Variants in NCAPG2 observed in about 807,000 individuals in gnomAD.
NCAPG2 encodes non-SMC condensin II complex subunit G2, also known as condensin-2 complex subunit G2.
Under a neutral mutation model 141.1 loss-of-function variants are expected in NCAPG2, and 53 were observed. That is an observed-to-expected ratio of 0.38 (90% CI 0.30 to 0.47). NCAPG2 has a LOEUF of 0.47. Ranked by LOEUF, NCAPG2 falls within the 20% of genes least tolerant of loss-of-function variation. The pLI, the probability that NCAPG2 is intolerant of heterozygous loss-of-function variation, is 0.99. For synonymous variants in NCAPG2, 499 were observed against 490.7 expected, an observed-to-expected ratio of 1.02 and a Z score of -0.22; for missense variants, 1,087 against 1,389.0, an observed-to-expected ratio of 0.78 and a Z score of 3.46.
chr7:158,682,203 CAT>C (rs1181169097), intron 9 of NCAPG2, among the ~76,000 whole-genome samples: 1 of 152,132 alleles, frequency 6.6e-6, no homozygotes, highest in Non-Finnish European at 1.5e-5. Context: ...ATAAACTACA[CAT>C]ATAGTTTACA....
intron 27 of NCAPG2, among the ~76,000 whole-genome samples, chr7:158,642,018 A>T (rs915954660): frequency 6.6e-6 from 1 of 152,212 alleles, no homozygotes; most frequent in African/African-American, 2.4e-5. Flanking sequence ...ACCTTCACGA[A>T]TTTAAAAGAA....
chr7:158,690,021 TA>T (rs1363686049), intron 5 of NCAPG2, 68 bp from the exon 6 acceptor site: 1 of 1,212,326 alleles, frequency 8.2e-7, no homozygotes, highest in African/African-American at 1.6e-5. Flanking sequence ...AAATCAAGTA[TA>T]TTTTATATCA....
chr7:158,696,606 A>C (rs12698265), intron 2 of NCAPG2: 137,981 of 152,290 alleles, frequency 0.91, 62,574 homozygotes, highest in East Asian at 0.96. Context: ...CAAGTGGTAA[A>C]AACTGGCAAA....
At chr7:158,696,477 C>A (rs1417799566) in intron 2 of NCAPG2, 1 of 152,130 alleles carries the variant, frequency 6.6e-6, no homozygotes, top group Non-Finnish European at 1.5e-5. Flanking sequence ...GATTATATAA[C>A]AGAATATCTT....
Position 158,675,557 on chromosome 7 carries a change from G to A in NCAPG2, c.1246C>T (p.Leu416Phe). 1 of 1,613,720 alleles carries A rather than the reference G, an allele frequency of 6.2e-7. No homozygotes were observed. Among genetic ancestry groups the A allele is most frequent in the African/African-American group, 1.3e-5 (1 of 75,026 alleles). The change falls in exon 12 of 28, where the codon CTT becomes TTT. Residue 416 changes from leucine to phenylalanine, a missense_variant. Physicochemically the swap from Leu to Phe is conservative, Grantham distance 22. Coordinates refer to ENST00000356309, the MANE Select transcript of NCAPG2 (RefSeq NM_017760.7). ...GTCACCTTCTTCAGGAGGTCAATAA[G>A]AATGGTCGGGGGCATCATTTCCCAG... Reference protein sequence around the residue: ...KYWEMMPPTILIDLLKKVTGE... With the variant: ...KYWEMMPPTIFIDLLKKVTGE...
intron 16 of NCAPG2, among the ~76,000 whole-genome samples, chr7:158,659,025 TA>T (rs55893307): frequency 0.82 from 80,531 of 97,736 alleles, 33,085 homozygotes; most frequent in South Asian, 0.89. Flanking sequence ...GCATTATATT[TA>T]AAAAAAAAAA....
At chr7:158,676,411 G>T (rs985475225) in intron 11 of NCAPG2, among the ~76,000 whole-genome samples, 4 of 152,234 alleles carry the variant, frequency 2.6e-5, no homozygotes, top group Non-Finnish European at 5.9e-5. Flanking sequence ...ATGTCAGTTA[G>T]TCATAGCACA....
Position 158,633,795 on chromosome 7 carries a change from G to T in NCAPG2, c.3381-2078C>A, listed in dbSNP as rs1830025644. Reference sequence around the variant, plus strand: ...AGACAGGGTCACGCTCTGTCACCCAGGCTGAAGTGCAGCAGTGAGGTCACA... The same window carrying T: ...AGACAGGGTCACGCTCTGTCACCCATGCTGAAGTGCAGCAGTGAGGTCACA... On this transcript the variant is annotated intron_variant, in intron 27 of 27. Transcript: ENST00000356309. The surrounding 1 kb of genome is among the most constrained non-coding windows in gnomAD (Gnocchi z 4.1). Among the ~76,000 whole-genome samples, 1 of 151,940 alleles carries T rather than the reference G, an allele frequency of 6.6e-6. No homozygotes were observed.
In NCAPG2 at chr7:158,693,441, T is replaced by C; in HGVS notation, c.135A>G (p.Lys45=). The C allele has an allele frequency of 6.2e-7, 1 of 1,614,088 alleles. No individual in the cohort carries two copies. Among genetic ancestry groups the C allele is most frequent in the African/African-American group, 1.3e-5 (1 of 75,064 alleles). The change falls in exon 3 of 28, where the codon AAA becomes AAG. Residue 45 remains lysine (K), a synonymous_variant. Transcript: ENST00000356309. ...GCCTTTGCCATAATTCTTCTTTCTG[T>C]TTCCTTGATAATTCATCTAGTAATT... ...LNELLDELSR[K]QKEELWQRLK... is the part of the protein sequence containing the mutation.
chr7:158,631,450 T>C lies in NCAPG2; in HGVS notation c.*216A>G. On this transcript the variant is annotated 3_prime_UTR_variant, in exon 28 of 28. Coordinates refer to ENST00000356309, the MANE Select transcript of NCAPG2 (RefSeq NM_017760.7). ...CTACACCATTCATACCTGGAGTCCT[T>C]TATATTAAATATATTATTTACGCAG... is the stretch of plus-strand genomic sequence containing the variant. The C allele has an allele frequency of 1.8e-6, 1 of 557,304 alleles. No individual in the cohort carries two copies. Among genetic ancestry groups the C allele is most frequent in the Non-Finnish European group, 3.1e-6 (1 of 320,044 alleles). The allele number at this position is 557,304 out of a possible 1,614,324, so 34.5% of individuals were successfully genotyped here.
intron 27 of NCAPG2, among the ~76,000 whole-genome samples, chr7:158,631,940 A>T (rs753870714): frequency 4.6e-5 from 7 of 152,164 alleles, no homozygotes; most frequent in South Asian, 2.1e-4. Flanking sequence ...GCTTGGGTTG[A>T]CCGTGGACAC....
chr7:158,681,741 G>C (rs1282837600), intron 9 of NCAPG2, among the ~76,000 whole-genome samples: 2 of 152,100 alleles, frequency 1.3e-5, no homozygotes, highest in Non-Finnish European at 2.9e-5. Flanking sequence ...TTTCTAAACA[G>C]CTTAAGACTT....
At chr7:158,656,210 T>A in intron 19 of NCAPG2, 50 bp downstream of exon 19, 1 of 1,576,376 alleles carries the variant, frequency 6.3e-7, no homozygotes. Context: ...CTTTGATTTG[T>A]CACCCCCACA....
At chr7:158,700,163 T>A (rs563091743) in intron 2 of NCAPG2, among the ~76,000 whole-genome samples, 1 of 152,346 alleles carries the variant, frequency 6.6e-6, no homozygotes, top group South Asian at 2.1e-4. Flanking sequence ...ATCCTACACA[T>A]TTTCATTTTT....
In NCAPG2 at chr7:158,692,924, T is replaced by C; in HGVS notation, c.300A>G (p.Thr100=). Reference sequence around the variant, plus strand: ...CAGACACAGAAGCAAGAATCACAGATGTAATTGCATAAATTATTTCTATGC... The same window carrying C: ...CAGACACAGAAGCAAGAATCACAGACGTAATTGCATAAATTATTTCTATGC... ...RKSIEIIYAI[T]SVILASVSVI... Residue 100 remains threonine (T), a synonymous_variant, in exon 4 of 28, where the codon ACA becomes ACG. Coordinates refer to ENST00000356309, the MANE Select transcript of NCAPG2 (RefSeq NM_017760.7). 4 of 1,585,722 alleles carry C rather than the reference T, an allele frequency of 2.5e-6. No individual in the cohort carries two copies. The highest frequency in any genetic ancestry group is 2.2e-5 in the East Asian group (1 of 44,540).
chr7:158,704,123 C>A (rs1373752642), intron 1 of NCAPG2, among the ~76,000 whole-genome samples: 1 of 141,772 alleles, frequency 7.1e-6, no homozygotes, highest in Non-Finnish European at 1.5e-5. Context: ...ACTGAGGGGA[C>A]GCTCTCTGAG....
In NCAPG2 at chr7:158,633,828, G is replaced by A. The variant is rs532655674; in HGVS notation, c.3381-2111C>T. On this transcript the variant is annotated intron_variant, in intron 27 of 27. Coordinates refer to ENST00000356309, the MANE Select transcript of NCAPG2 (RefSeq NM_017760.7). The surrounding 1 kb of genome is among the most constrained non-coding windows in gnomAD (Gnocchi z 4.1). ...TGCAGCAGTGAGGTCACAGCTCACTGCAGCCTTGACCTCTCGGGCTCAAGC... is the reference window on the plus strand; with the variant it reads ...TGCAGCAGTGAGGTCACAGCTCACTACAGCCTTGACCTCTCGGGCTCAAGC... Among the ~76,000 whole-genome samples, 41 of 151,990 alleles carry A rather than the reference G, an allele frequency of 2.7e-4. No individual in the cohort carries two copies. Among genetic ancestry groups the A allele is most frequent in the Non-Finnish European group, 5.1e-4 (35 of 67,970 alleles).
chr7:158,667,160 T>C (rs773970393), intron 13 of NCAPG2: 16 of 985,300 alleles, frequency 1.6e-5, no homozygotes, highest in South Asian at 1.4e-4. Flanking sequence ...CACAACCAAA[T>C]GGCTGTCTGC....
intron 27 of NCAPG2, among the ~76,000 whole-genome samples, chr7:158,636,863 C>T (rs117717420): frequency 0.02 from 2,973 of 152,286 alleles, 55 homozygotes; most frequent in South Asian, 0.034. Context: ...CTGAAATGGA[C>T]AAGTGCTCCT....
Sources: gnomAD v4.1 joint callset for allele counts (sites outside exome capture counted in the v4.1 genomes callset) on GRCh38, gnomAD v4.1.1 for gene constraint, Gnocchi (gnomAD v3.1) non-coding constraint, MANE v1.5 for transcripts, NCBI Gene and HGNC (gene_info 2026-07-23, HGNC 2026-07-21) for gene names.